KIAA1217: variants seen among roughly 807,000 people sequenced by gnomAD.
The protein encoded by KIAA1217 is KIAA1217.
A neutral mutation model predicts 163.9 loss-of-function variants in KIAA1217; 88 were observed. The ratio of observed to expected loss-of-function variants is 0.54; its 90% CI spans 0.45 to 0.64. KIAA1217 has a LOEUF of 0.64. KIAA1217 is among the 30% of genes least tolerant of loss of function. The probability of loss-of-function intolerance (pLI) is 0.00; values close to 1 mark genes in which losing one functional copy is unlikely to be tolerated. For missense variants in KIAA1217, 2,372 were observed against 2,475.0 expected (o/e 0.96, Z 0.88); for synonymous variants, 903 against 923.1 (o/e 0.98, Z 0.39).
intron 3 of KIAA1217, among the ~76,000 whole-genome samples, chr10:24,429,958 C>G (rs893505198): frequency 2.6e-5 from 4 of 152,080 alleles, no homozygotes; most frequent in African/African-American, 9.7e-5. Flanking sequence ...GCCTAGGCAA[C>G]ATGGCAAAAC....
chr10:24,413,550 T>C (rs945435623), intron 3 of KIAA1217, among the ~76,000 whole-genome samples: 2 of 152,146 alleles, frequency 1.3e-5, no homozygotes, highest in African/African-American at 2.4e-5. Context: ...CTCTGTTGCC[T>C]TGCAGCTCAA....
At position 24,543,807 on chromosome 10, in the gene KIAA1217, A is replaced by G. The variant is rs766166439; in HGVS notation, c.4537A>G (p.Thr1513Ala). Residue 1513 changes from threonine to alanine, a missense_variant, in exon 19 of 21, where the codon ACC becomes GCC. Physicochemically the swap from Thr to Ala is moderately conservative, Grantham distance 58. Around this residue, in one of 3 missense-constraint regions of KIAA1217, gnomAD observed 690 missense variants for 677.5 expected, o/e 1.02. Coordinates refer to ENST00000376454, the MANE Select transcript of KIAA1217 (RefSeq NM_019590.5). ...GAAGGTGGCCCCAGGCAATCTTAGA[A>G]CCGGACAACAGGTGGAAACAAAGTC... ...HKKVAPGNLR[T>A]GQQVETKSQP... is the part of the protein sequence containing the mutation. The G allele has an allele frequency of 1.2e-6, 2 of 1,614,000 alleles. No homozygotes were observed. The highest frequency in any genetic ancestry group is 3.3e-5 in the Admixed American group (2 of 59,994).
chr10:23,780,443 G>T (rs1241212321), intron 1 of KIAA1217, among the ~76,000 whole-genome samples: 1 of 152,034 alleles, frequency 6.6e-6, no homozygotes, highest in Non-Finnish European at 1.5e-5. Flanking sequence ...GTCACCTTTT[G>T]TTTGTTTTGT....
At chr10:24,501,096 A>G (rs7082512) in intron 8 of KIAA1217, among the ~76,000 whole-genome samples, 1 of 151,460 alleles carries the variant, frequency 6.6e-6, no homozygotes, top group African/African-American at 2.4e-5. Flanking sequence ...ATAAAAAAAA[A>G]ATAAACAAAA....
chr10:24,276,209 T>A (rs2077266973), intron 2 of KIAA1217, among the ~76,000 whole-genome samples: 1 of 152,232 alleles, frequency 6.6e-6, no homozygotes, highest in Admixed American at 6.5e-5. Context: ...CAAATGGAGT[T>A]TGATGCCATT....
chr10:24,237,395 G>A (rs145357738), intron 2 of KIAA1217, among the ~76,000 whole-genome samples: 5 of 152,280 alleles, frequency 3.3e-5, no homozygotes, highest in African/African-American at 9.6e-5. Context: ...CTGAGGAAAC[G>A]GTTAATGGAG....
intron 1 of KIAA1217, among the ~76,000 whole-genome samples, chr10:24,005,265 T>C (rs1846940858): frequency 6.6e-6 from 1 of 152,338 alleles, no homozygotes; most frequent in Non-Finnish European, 1.5e-5. Context: ...GGAACAATGC[T>C]TGGCACTCAA....
At chr10:24,226,359 G>T (rs950680805) in intron 2 of KIAA1217, among the ~76,000 whole-genome samples, 4 of 152,094 alleles carry the variant, frequency 2.6e-5, no homozygotes, top group Non-Finnish European at 5.9e-5. Context: ...GGGTGCGGTG[G>T]CTCACGCCTG....
At chr10:24,329,316 G>A (rs987284906) in intron 2 of KIAA1217, among the ~76,000 whole-genome samples, 5 of 149,934 alleles carry the variant, frequency 3.3e-5, no homozygotes, top group African/African-American at 4.9e-5. Context: ...GTATAAATAT[G>A]TATACTATAT....
intron 2 of KIAA1217, among the ~76,000 whole-genome samples, chr10:24,248,383 C>A (rs1175478104): frequency 6.6e-6 from 1 of 152,056 alleles, no homozygotes; most frequent in African/African-American, 2.4e-5. Flanking sequence ...ACCGAAATGT[C>A]CTTTAGGCCG....
chr10:24,115,215 G>A (rs1423157753), intron 2 of KIAA1217, among the ~76,000 whole-genome samples: 5 of 152,320 alleles, frequency 3.3e-5, no homozygotes, highest in South Asian at 4.1e-4. Flanking sequence ...CAGCACCTGC[G>A]TATAGCAGGA....
intron 3 of KIAA1217, among the ~76,000 whole-genome samples, chr10:24,416,546 A>C (rs1277939478): frequency 6.6e-6 from 1 of 152,224 alleles, no homozygotes; most frequent in East Asian, 1.9e-4. Context: ...ATATTTTTAA[A>C]GGTATAAATC....
intron 14 of KIAA1217, among the ~76,000 whole-genome samples, chr10:24,531,173 C>T (rs2073061100): frequency 6.6e-6 from 1 of 152,040 alleles, no homozygotes; most frequent in South Asian, 2.1e-4. Context: ...CCACTGCATT[C>T]CAGAGTGAGT....
chr10:23,798,587 C>T (rs898019025), intron 1 of KIAA1217, among the ~76,000 whole-genome samples: 3 of 152,246 alleles, frequency 2.0e-5, no homozygotes, highest in Non-Finnish European at 2.9e-5. Context: ...TGCTGTGAAT[C>T]AATCAGGAAA....
intron 2 of KIAA1217, among the ~76,000 whole-genome samples, chr10:24,022,923 T>G (rs1847795772): frequency 1.5e-5 from 2 of 134,244 alleles, no homozygotes; most frequent in African/African-American, 5.5e-5. Context: ...ATATACTTGA[T>G]CTGAAAAAAA....
intron 1 of KIAA1217, among the ~76,000 whole-genome samples, chr10:23,783,969 T>G (rs889262427): frequency 6.6e-6 from 1 of 152,044 alleles, no homozygotes; most frequent in Non-Finnish European, 1.5e-5. Context: ...GGCTAAGGTT[T>G]TGTCGATTTT....
At chr10:24,083,742 C>T (rs1199681616) in intron 2 of KIAA1217, among the ~76,000 whole-genome samples, 1 of 152,096 alleles carries the variant, frequency 6.6e-6, no homozygotes, top group East Asian at 1.9e-4. Flanking sequence ...AAAATTACTA[C>T]ATTAAGAACA....
intron 1 of KIAA1217, among the ~76,000 whole-genome samples, chr10:23,734,627 A>C (rs559433222): frequency 1.3e-5 from 2 of 152,086 alleles, no homozygotes; most frequent in East Asian, 3.9e-4. Flanking sequence ...ATTTCTAAAC[A>C]ATAGTTTGTT....
chr10:23,964,149 G>A (rs1430738171), intron 1 of KIAA1217, among the ~76,000 whole-genome samples: 1 of 151,816 alleles, frequency 6.6e-6, no homozygotes, highest in Non-Finnish European at 1.5e-5. Context: ...TGATCCACCC[G>A]CCTCAGCCTC....
Sources: allele counts gnomAD v4.1 joint callset (sites outside exome capture counted in the v4.1 genomes callset), GRCh38; gene constraint gnomAD v4.1.1; regional missense constraint gnomAD v4.1.1; transcripts MANE v1.5; gene names NCBI Gene and HGNC (gene_info 2026-07-23, HGNC 2026-07-21).